Variants in AOPEP observed in about 807,000 individuals in gnomAD.
AOPEP encodes the protein aminopeptidase O.
Under a neutral mutation model 98.1 loss-of-function variants are expected in AOPEP, and 77 were observed. The observed-to-expected ratio is 0.78, with a 90% confidence interval of 0.65 to 0.95. AOPEP has a LOEUF of 0.95. Among genes scored for constraint, AOPEP ranks in the 40% least tolerant of loss-of-function variants. The pLI is 0.00. For synonymous variants in AOPEP, 346 were observed against 365.3 expected, an observed-to-expected ratio of 0.95 and a Z score of 0.60; for missense variants, 1,024 against 1,024.7, an observed-to-expected ratio of 1.00 and a Z score of 0.01.
chr9:94,873,555 A>G (rs1397743050), intron 5 of AOPEP, among the ~76,000 whole-genome samples: 1 of 152,226 alleles, frequency 6.6e-6, no homozygotes, highest in Non-Finnish European at 1.5e-5. Flanking sequence ...CAAAGAAGAG[A>G]CAGAAGAGGG....
intron 9 of AOPEP, among the ~76,000 whole-genome samples, chr9:94,965,622 C>G (rs1411788610): frequency 2.6e-5 from 4 of 152,204 alleles, no homozygotes; most frequent in Admixed American, 6.5e-5. Flanking sequence ...TTAAATGGGT[C>G]TCATCAGAGT....
chr9:94,764,916 C>G (rs767551407), intron 2 of AOPEP, among the ~76,000 whole-genome samples: 25 of 152,074 alleles, frequency 1.6e-4, no homozygotes, highest in Non-Finnish European at 3.2e-4. Context: ...CTCTGTCACC[C>G]AGGGTGGAGA....
intron 3 of AOPEP, among the ~76,000 whole-genome samples, chr9:94,774,813 A>G (rs1018173791): frequency 9.8e-5 from 15 of 152,302 alleles, no homozygotes; most frequent in African/African-American, 3.6e-4. Flanking sequence ...TTATACATTC[A>G]TCTGTAGTTA....
chr9:94,782,511 A>T (rs1268196089), intron 3 of AOPEP, among the ~76,000 whole-genome samples: 2 of 152,260 alleles, frequency 1.3e-5, no homozygotes, highest in Non-Finnish European at 2.9e-5. Flanking sequence ...CCAAGATCTG[A>T]GAGTCCAGAC....
intron 5 of AOPEP, among the ~76,000 whole-genome samples, chr9:94,813,473 A>G (rs1001689543): frequency 6.6e-6 from 1 of 152,224 alleles, no homozygotes; most frequent in South Asian, 2.1e-4. Flanking sequence ...CAGCCCTGCT[A>G]TCACAGGCTT....
Position 94,979,409 on chromosome 9 carries a change from G to A in AOPEP, c.1959G>A (p.Glu653=). The A allele has an allele frequency of 6.2e-7, 1 of 1,600,500 alleles. No individual in the cohort carries two copies. Among genetic ancestry groups the A allele is most frequent in the Non-Finnish European group, 8.5e-7 (1 of 1,171,308 alleles). Residue 653 remains glutamate, a synonymous_variant, in exon 11 of 17, where the codon GAG becomes GAA. Coordinates refer to ENST00000375315, the MANE Select transcript of AOPEP (RefSeq NM_001193329.3). ...AAAACATCTACCAAGACTGGCTTGA[G>A]AGTTCCGGAATACCAAAGGTAACTC... ...SVENIYQDWL[E]SSGIPKPLQR... is the part of the protein sequence containing the mutation.
rs554873047 is a variant in AOPEP at position 95,008,640 on chromosome 9, T to C, written c.2115+3024T>C. On this transcript the variant is annotated intron_variant, in intron 13 of 16. Transcript: ENST00000375315. ...ATAACGAATAGTGAAATAAAGTAAA[T>C]TGGGGACTGAGATGTACCATGCAGA... is the stretch of plus-strand genomic sequence containing the variant. 1.4e-3 allele frequency among the ~76,000 whole-genome samples: 213 copies of C among 152,194 alleles called. 2 individuals are homozygous for C. Among genetic ancestry groups the C allele is most frequent in the African/African-American group, 4.9e-3 (203 of 41,516 alleles).
chr9:94,912,683 A>G (rs1328088235), intron 5 of AOPEP, among the ~76,000 whole-genome samples: 6 of 152,230 alleles, frequency 3.9e-5, no homozygotes, highest in Non-Finnish European at 1.5e-5. Context: ...AATCTCGGCT[A>G]TGGGCTCCCT....
chr9:94,821,780 G>A (rs1020666747), intron 5 of AOPEP, among the ~76,000 whole-genome samples: 13 of 152,088 alleles, frequency 8.5e-5, no homozygotes, highest in Non-Finnish European at 4.4e-5. Context: ...TTTCTTTTTG[G>A]TGGTAACATC....
At position 94,955,897 on chromosome 9, in the gene AOPEP, C is replaced by G. The variant is rs1460340512; in HGVS notation, c.1765-11C>G. 8 of 1,585,148 alleles carry G rather than the reference C, an allele frequency of 5.0e-6. No homozygotes were observed. The highest frequency in any genetic ancestry group is 6.9e-6 in the Non-Finnish European group (8 of 1,164,406). ...AGGCCTCTTTTTCTCTCTCTTTTTTCTTTCTTCTAGGGCTACTTCCTTCTT... is the reference window on the plus strand; with the variant it reads ...AGGCCTCTTTTTCTCTCTCTTTTTTGTTTCTTCTAGGGCTACTTCCTTCTT... On this transcript the variant is annotated splice_polypyrimidine_tract_variant and intron_variant, in intron 8 of 16. Coordinates refer to ENST00000375315, the MANE Select transcript of AOPEP (RefSeq NM_001193329.3).
rs780375720 is a variant in AOPEP, at chr9:95,085,943, G to A, written c.*5-739G>A. ...TTGTATTTGCAGTCCAGGCCTTCGC[G>A]TCTCCTGCGCCAGCAGACGGTGCCC... On this transcript the variant is annotated intron_variant, in intron 16 of 16. Transcript: ENST00000375315. The A allele has an allele frequency of 5.0e-5, 66 of 1,324,012 alleles. No homozygotes were observed. The Middle Eastern group carries it at 2.7e-3, about 54-fold the overall frequency. 82.0% of individuals were successfully genotyped at this position (1,324,012 alleles called of 1,614,324 possible).
At chr9:95,100,185 T>C in the AOPEP span, 1 of 232,744 alleles carries the variant, frequency 4.3e-6, no homozygotes, top group African/African-American at 2.2e-5. Context: ...AAGGCAAGGA[T>C]CATGATGGCA....
the AOPEP span, among the ~76,000 whole-genome samples, chr9:95,130,259 T>C: frequency 1.3e-5 from 2 of 152,012 alleles, no homozygotes; most frequent in African/African-American, 2.4e-5. Flanking sequence ...GGAAGAAGCA[T>C]TTCTTTCTGT....
chr9:94,796,014 C>A (rs907671600), intron 4 of AOPEP, among the ~76,000 whole-genome samples: 1 of 152,216 alleles, frequency 6.6e-6, no homozygotes, highest in Non-Finnish European at 1.5e-5. Context: ...ACCAGCCCAG[C>A]TGGACTGCTG....
chr9:95,078,826 C>T (rs558337855), intron 14 of AOPEP, among the ~76,000 whole-genome samples: 6 of 152,216 alleles, frequency 3.9e-5, no homozygotes, highest in African/African-American at 9.6e-5. Context: ...AGGCGTCCAG[C>T]GGGCAGTTTG....
chr9:94,992,623 C>T (rs142450139), intron 11 of AOPEP, among the ~76,000 whole-genome samples: 3 of 152,312 alleles, frequency 2.0e-5, no homozygotes, highest in East Asian at 1.9e-4. Flanking sequence ...CCATTAAATA[C>T]CAGCTTTGGA....
At chr9:94,987,817 G>A (rs2060618836) in intron 11 of AOPEP, among the ~76,000 whole-genome samples, 1 of 152,176 alleles carries the variant, frequency 6.6e-6, no homozygotes, top group Non-Finnish European at 1.5e-5. Flanking sequence ...AGGGGGAATG[G>A]TTAGTGGGGC....
At chr9:95,105,863 T>C in the AOPEP span, among the ~76,000 whole-genome samples, 3 of 152,222 alleles carry the variant, frequency 2.0e-5, 1 homozygote, top group South Asian at 4.1e-4. Flanking sequence ...ACACGGTGCA[T>C]TGCTTGTCCC....
chr9:95,036,662 C>T (rs2064849715), intron 13 of AOPEP, among the ~76,000 whole-genome samples: 1 of 151,020 alleles, frequency 6.6e-6, no homozygotes, highest in African/African-American at 2.4e-5. Context: ...CCTCTTCTTC[C>T]TCCTCCTCTT....
Sources: gnomAD v4.1 joint callset for allele counts (sites outside exome capture counted in the v4.1 genomes callset) on GRCh38, gnomAD v4.1.1 for gene constraint, MANE v1.5 for transcripts, NCBI Gene and HGNC (gene_info 2026-07-23, HGNC 2026-07-21) for gene names.